Variants in TMEM255A observed in about 807,000 individuals in gnomAD.
The protein encoded by TMEM255A is transmembrane protein 255A.
A neutral mutation model predicts 23.5 loss-of-function variants in TMEM255A; 14 were observed. The observed-to-expected ratio is 0.60, with a 90% CI of 0.39 to 0.93. TMEM255A has a LOEUF of 0.93. Ranked by LOEUF, TMEM255A falls within the 40% of genes least tolerant of loss-of-function variation. TMEM255A has a pLI of 0.00. For missense variants in TMEM255A, 233 were observed against 261.7 expected (o/e 0.89, Z 0.76); for synonymous variants, 104 against 100.3 (o/e 1.04, Z -0.22).
downstream of TMEM255A, chrX:120,255,438 C>G (rs782218082): frequency 4.3e-6 from 5 of 1,171,443 alleles, no homozygotes; most frequent in South Asian, 1.9e-5. Flanking sequence ...TTACTAAACT[C>G]CTTTGAAATA....
At chrX:120,270,516 T>C (rs1358706186) in intron 7 of TMEM255A, among the ~76,000 whole-genome samples, 3 of 111,348 alleles carry the variant, frequency 2.7e-5, no homozygotes, top group Non-Finnish European at 3.8e-5. Context: ...CTACTTTTTT[T>C]CCCTCTCCAG....
At chrX:120,285,862 A>C (rs1357054220) in intron 5 of TMEM255A, 1 of 1,198,699 alleles carries the variant, frequency 8.3e-7, no homozygotes, top group African/African-American at 1.7e-5. Flanking sequence ...AAAAGGTTTT[A>C]AAAACGGAAA....
Position 120,285,115 on chromosome X carries a change from C to T in TMEM255A, c.512+12G>A. On this transcript the variant is annotated intron_variant, in intron 6 of 8. Coordinates refer to ENST00000371369, the MANE Select transcript of TMEM255A (RefSeq NM_001104544.3). ...CAGACCATTATTCCTGTGTCTGGGC[C>T]TCAACACTTACTTGCCACAGTTGTA... is the stretch of plus-strand genomic sequence containing the variant. 8.3e-7 allele frequency: 1 copy of T among 1,199,715 alleles called. No homozygotes were observed. Among genetic ancestry groups the T allele is most frequent in the Non-Finnish European group, 1.1e-6 (1 of 884,751 alleles).
intron 7 of TMEM255A, chrX:120,273,451 T>G (rs782559990): frequency 1.0e-5 from 2 of 197,881 alleles, no homozygotes; most frequent in South Asian, 2.2e-4. Context: ...TGGTATCAAT[T>G]CAGTGAGTGT....
chrX:120,306,608 T>C (rs2058066851), intron 1 of TMEM255A, among the ~76,000 whole-genome samples: 1 of 112,185 alleles, frequency 8.9e-6, no homozygotes, highest in African/African-American at 3.2e-5. Flanking sequence ...CTTTGTGATA[T>C]GGAAGTGTCT....
chrX:120,273,210 G>A, intron 7 of TMEM255A: 1 of 201,679 alleles, frequency 5.0e-6, no homozygotes, highest in Middle Eastern at 1.8e-3. Context: ...AAATTTGCAA[G>A]GAATATGAGT....
intron 4 of TMEM255A, 75 bp downstream of exon 4, chrX:120,291,176 G>C (rs1159357960): frequency 3.0e-5 from 25 of 821,019 alleles, no homozygotes; most frequent in Non-Finnish European, 4.3e-5. Context: ...GCAAAGGACT[G>C]AACATCGAGC....
chrX:120,279,998 CTTTTTTTTT>C (rs59428362), intron 6 of TMEM255A, among the ~76,000 whole-genome samples: 5 of 38,205 alleles, frequency 1.3e-4, no homozygotes, highest in African/African-American at 3.3e-4. Flanking sequence ...CCTTTTCTTT[CTTTTTTTTT>C]TTTTTTTTTT....
intron 5 of TMEM255A, among the ~76,000 whole-genome samples, chrX:120,286,752 T>A (rs1052670222): frequency 8.9e-6 from 1 of 111,840 alleles, no homozygotes; most frequent in Non-Finnish European, 1.9e-5. Flanking sequence ...GCCTCCGTAG[T>A]TCAGGCCTAG....
At chrX:120,254,998 A>G, downstream of TMEM255A, 1 of 1,212,029 alleles carries the variant, frequency 8.3e-7, no homozygotes, top group Non-Finnish European at 1.1e-6. Flanking sequence ...CGTTACTGTG[A>G]GAAGGTATTT....
At chrX:120,264,811 G>A (rs1556017242) in intron 8 of TMEM255A, among the ~76,000 whole-genome samples, 3 of 109,713 alleles carry the variant, frequency 2.7e-5, no homozygotes, top group Admixed American at 9.8e-5. Flanking sequence ...CAGATCTGGA[G>A]TGCATTTGCT....
chrX:120,301,093 C>T (rs1190804755), intron 2 of TMEM255A, among the ~76,000 whole-genome samples: 3 of 110,907 alleles, frequency 2.7e-5, no homozygotes, highest in Admixed American at 9.6e-5. Context: ...GGCATGTGTG[C>T]GTATGTCTCT....
At chrX:120,265,988 CAAAAAAAAA>C (rs782107279) in intron 8 of TMEM255A, among the ~76,000 whole-genome samples, 2 of 68,757 alleles carry the variant, frequency 2.9e-5, no homozygotes, top group Admixed American at 3.5e-4. Context: ...ACAAAAGATA[CAAAAAAAAA>C]AAAAAAAATA....
downstream of TMEM255A, chrX:120,256,475 C>T (rs1408179180): frequency 1.6e-5 from 2 of 122,147 alleles, no homozygotes; most frequent in African/African-American, 6.6e-5. Flanking sequence ...AATCAGTGAT[C>T]TAGTATTTTC....
At chrX:120,282,234 G>C (rs1165179015) in intron 6 of TMEM255A, among the ~76,000 whole-genome samples, 2 of 111,515 alleles carry the variant, frequency 1.8e-5, no homozygotes, top group African/African-American at 3.3e-5. Flanking sequence ...CTCTATTGTG[G>C]GACCCTCGCC....
At chrX:120,291,036 A>G (rs2057910922) in intron 4 of TMEM255A, among the ~76,000 whole-genome samples, 1 of 111,212 alleles carries the variant, frequency 9.0e-6, no homozygotes, top group African/African-American at 3.3e-5. Flanking sequence ...TGGCACTTGG[A>G]GTTTGTTCCC....
At chrX:120,296,582 A>G (rs1348872553) in intron 2 of TMEM255A, among the ~76,000 whole-genome samples, 1 of 86,771 alleles carries the variant, frequency 1.2e-5, no homozygotes, top group African/African-American at 4.5e-5. Context: ...GTAAAAACAA[A>G]GTGCTATAGG....
rs782778602 is a variant in TMEM255A at position 120,273,103 on chromosome X, C to T, written c.675+3782G>A. ...ATGCACTTTACCTGGGTTATCACAT[C>T]AGCCCTCACAAGTCCACAGGTAGGT... is the stretch of plus-strand genomic sequence containing the variant. On this transcript the variant is annotated intron_variant, in intron 7 of 8. Coordinates refer to ENST00000371369, the MANE Select transcript of TMEM255A (RefSeq NM_001104544.3). 16 of 148,078 alleles carry T rather than the reference C, an allele frequency of 1.1e-4. No individual in the cohort carries two copies. In the Admixed American group the frequency reaches 1.4e-3, roughly 13 times the overall value. The allele number at this position is 148,078 out of a possible 1,213,427, so 12.2% of individuals were successfully genotyped here.
intron 8 of TMEM255A, among the ~76,000 whole-genome samples, chrX:120,261,406 T>A (rs1271268715): frequency 8.9e-6 from 1 of 112,427 alleles, no homozygotes; most frequent in African/African-American, 3.2e-5. Context: ...CAAAAGGTAA[T>A]TTTTGGCTTT....
Sources: allele counts gnomAD v4.1 joint callset (sites outside exome capture counted in the v4.1 genomes callset), GRCh38; gene constraint gnomAD v4.1.1; transcripts MANE v1.5; gene names NCBI Gene and HGNC (gene_info 2026-07-23, HGNC 2026-07-21).